The following NTN1 variants were observed in gnomAD, a reference collection of about 807,000 sequenced individuals.
NTN1 encodes netrin-1.
In NTN1, 11 loss-of-function variants were observed where a neutral mutation model predicts 54.2. The ratio of observed to expected loss-of-function variants is 0.20; its 90% CI spans 0.13 to 0.34. The LOEUF (loss-of-function observed/expected upper bound fraction) is 0.34, where lower values mean the gene tolerates loss of function less well. Ranked by LOEUF, NTN1 falls within the 10% of genes least tolerant of loss-of-function variation. The pLI, the probability that NTN1 is intolerant of heterozygous loss-of-function variation, is 1.00. For synonymous variants in NTN1, 371 were observed against 382.0 expected, an observed-to-expected ratio of 0.97 and a Z score of 0.33; for missense variants, 740 against 893.1, an observed-to-expected ratio of 0.83 and a Z score of 2.18.
intron 2 of NTN1, among the ~76,000 whole-genome samples, chr17:9,032,706 C>T (rs1163568944): frequency 6.6e-6 from 1 of 152,208 alleles, no homozygotes; most frequent in African/African-American, 2.4e-5. Flanking sequence ...TGGGCGGCCC[C>T]AGGGCAGAGC....
In NTN1 at chr17:9,159,608, T is replaced by C. The variant is rs143023721; in HGVS notation, c.1019-3205T>C. 1.1e-3 allele frequency among the ~76,000 whole-genome samples: 169 copies of C among 152,214 alleles called. No homozygotes were observed. The South Asian group carries it at 0.015, about 14-fold the overall frequency. On this transcript the variant is annotated intron_variant, in intron 2 of 6. Transcript: ENST00000173229. ...CGAGGTCAGGAGTTTGAGACCAGTC[T>C]GGCCAACATAGTGAAACCCTGTCTC...
At chr17:9,185,466 C>T (rs1453853396) in intron 5 of NTN1, among the ~76,000 whole-genome samples, 3 of 152,208 alleles carry the variant, frequency 2.0e-5, no homozygotes, top group African/African-American at 7.2e-5. Context: ...AGCTGATGGA[C>T]ATAACCTTCC....
At chr17:9,136,746 C>A (rs1319395840) in intron 2 of NTN1, among the ~76,000 whole-genome samples, 1 of 152,196 alleles carries the variant, frequency 6.6e-6, no homozygotes. Context: ...AATTCCTCCT[C>A]CCTGCCCTAG....
chr17:9,168,969 A>C (rs1427912383), intron 3 of NTN1, among the ~76,000 whole-genome samples: 2 of 152,200 alleles, frequency 1.3e-5, no homozygotes, highest in Admixed American at 1.3e-4. Context: ...AGGTAAGGTT[A>C]GTACCTACTG....
rs1420988349 is a variant in NTN1 at position 9,022,509 on chromosome 17, G to C, written c.136G>C (p.Gly46Arg). The change falls in exon 2 of 7, where the codon GGC becomes CGC. Residue 46 changes from glycine (G) to arginine (R), a missense_variant. Physicochemically the swap from Gly to Arg is moderately radical, Grantham distance 125 (BLOSUM62 -2). Coordinates refer to ENST00000173229, the MANE Select transcript of NTN1 (RefSeq NM_004822.3). ...AQPDPCSDEN[G>R]HPRRCIPDFV... The stretch of plus-strand genomic sequence containing the variant: ...GCCCGATCCCTGCTCGGACGAGAAC[G>C]GCCACCCGCGCCGCTGCATCCCGGA... The C allele has an allele frequency of 3.2e-6, 5 of 1,546,154 alleles. No homozygotes were observed. Among genetic ancestry groups the C allele is most frequent in the Non-Finnish European group, 8.7e-7 (1 of 1,149,604 alleles).
intron 5 of NTN1, among the ~76,000 whole-genome samples, chr17:9,192,553 A>G (rs1904490360): frequency 1.3e-5 from 2 of 152,164 alleles, no homozygotes; most frequent in African/African-American, 2.4e-5. Flanking sequence ...TCTAGTGGGT[A>G]GAGGCCAGGG....
rs1490725048 is a variant in NTN1, at chr17:9,120,082, C to T, written c.1019-42731C>T. Reference sequence around the variant, plus strand: ...GATCACGAGGTCAGGAGTTCGAGACCATCCTAGCTAACATGGTGAAACCCC... The same window carrying T: ...GATCACGAGGTCAGGAGTTCGAGACTATCCTAGCTAACATGGTGAAACCCC... On this transcript the variant is annotated intron_variant, in intron 2 of 6. Coordinates refer to ENST00000173229, the MANE Select transcript of NTN1 (RefSeq NM_004822.3). 5.9e-5 allele frequency among the ~76,000 whole-genome samples: 9 copies of T among 152,110 alleles called. No homozygotes were observed. The East Asian group carries it at 1.5e-3, about 26-fold the overall frequency.
At chr17:9,062,585 AAAG>A (rs973256832) in intron 2 of NTN1, among the ~76,000 whole-genome samples, 4 of 152,184 alleles carry the variant, frequency 2.6e-5, no homozygotes, top group African/African-American at 9.7e-5. Flanking sequence ...CTTGGTTTCA[AAAG>A]GTTTTGAAAT....
chr17:9,211,848 C>G lies in NTN1; in HGVS notation c.1412-9320C>G, dbSNP rs568784170. 2.0e-5 allele frequency among the ~76,000 whole-genome samples: 3 copies of G among 152,118 alleles called. No homozygotes were observed. Among genetic ancestry groups the G allele is most frequent in the Non-Finnish European group, 4.4e-5 (3 of 68,022 alleles). ...CTCTTTTGTGAATGGCCTGTTCCTT[C>G]CCTTTGAATTTTTGGTTGCTGTCTT... On this transcript the variant is annotated intron_variant, in intron 5 of 6. Coordinates refer to ENST00000173229, the MANE Select transcript of NTN1 (RefSeq NM_004822.3). The surrounding 1 kb of genome is among the most constrained non-coding windows in gnomAD (Gnocchi z 4.4).
chr17:9,086,608 A>G (rs1483068611), intron 2 of NTN1, among the ~76,000 whole-genome samples: 2 of 152,104 alleles, frequency 1.3e-5, no homozygotes, highest in Non-Finnish European at 2.9e-5. Context: ...TTCCTGGAGG[A>G]AATGAAATTA....
chr17:9,140,178 G>T (rs1194917940), intron 2 of NTN1, among the ~76,000 whole-genome samples: 1 of 152,190 alleles, frequency 6.6e-6, no homozygotes, highest in African/African-American at 2.4e-5. Context: ...GTCTAGGAGA[G>T]CTGTGTTCTC....
chr17:9,226,209 A>C (rs1905542020), intron 6 of NTN1, among the ~76,000 whole-genome samples: 1 of 146,248 alleles, frequency 6.8e-6, no homozygotes, highest in African/African-American at 2.5e-5. Flanking sequence ...CTCATATCGG[A>C]GGGACCCCAG....
chr17:9,095,943 G>A (rs2092130703), intron 2 of NTN1, among the ~76,000 whole-genome samples: 1 of 152,016 alleles, frequency 6.6e-6, no homozygotes, highest in East Asian at 1.9e-4. Flanking sequence ...GGGATTACAG[G>A]TGTGTGTCAC....
intron 6 of NTN1, among the ~76,000 whole-genome samples, chr17:9,231,384 G>C (rs1905805768): frequency 6.6e-6 from 1 of 152,248 alleles, no homozygotes; most frequent in African/African-American, 2.4e-5. Context: ...TCATCCGGCA[G>C]CGCTCAGCTC....
At chr17:9,145,873 G>A (rs150503120) in intron 2 of NTN1, among the ~76,000 whole-genome samples, 2 of 146,638 alleles carry the variant, frequency 1.4e-5, no homozygotes, top group Admixed American at 6.9e-5. Context: ...AGCTGAGATC[G>A]GCCACTGCAC....
intron 2 of NTN1, among the ~76,000 whole-genome samples, chr17:9,081,801 T>G (rs2142224837): frequency 6.6e-6 from 1 of 152,326 alleles, no homozygotes; most frequent in South Asian, 2.1e-4. Context: ...CCTTCAACCT[T>G]AAGTTAATAG....
intron 3 of NTN1, among the ~76,000 whole-genome samples, chr17:9,166,403 G>T (rs908062140): frequency 6.8e-6 from 1 of 146,430 alleles, no homozygotes; most frequent in Non-Finnish European, 1.5e-5. Flanking sequence ...GTGCAGTGGT[G>T]CAATCTCGGC....
At chr17:9,232,681 C>T (rs543668086) in intron 6 of NTN1, among the ~76,000 whole-genome samples, 1 of 152,296 alleles carries the variant, frequency 6.6e-6, no homozygotes, top group Non-Finnish European at 1.5e-5. Context: ...GGCCTGGCCA[C>T]AGTGAGCCTC....
At chr17:9,038,768 T>G (rs1223682522) in intron 2 of NTN1, among the ~76,000 whole-genome samples, 3 of 152,210 alleles carry the variant, frequency 2.0e-5, no homozygotes, top group Admixed American at 6.5e-5. Flanking sequence ...GGATTTCCTT[T>G]TATTTCTTAT....
Sources: gnomAD v4.1 joint callset for allele counts (sites outside exome capture counted in the v4.1 genomes callset) on GRCh38, gnomAD v4.1.1 for gene constraint, Gnocchi (gnomAD v3.1) non-coding constraint, MANE v1.5 for transcripts, NCBI Gene and HGNC (gene_info 2026-07-23, HGNC 2026-07-21) for gene names.